The following AGTPBP1 variants were observed in gnomAD, a reference collection of about 807,000 sequenced individuals.
AGTPBP1 encodes the protein cytosolic carboxypeptidase 1.
Under a neutral mutation model 143.9 loss-of-function variants are expected in AGTPBP1, and 70 were observed. The observed-to-expected ratio is 0.49, with a 90% confidence interval of 0.40 to 0.59. AGTPBP1 has a LOEUF of 0.59. AGTPBP1 is among the 20% of genes least tolerant of loss of function. The pLI, the probability that AGTPBP1 is intolerant of heterozygous loss-of-function variation, is 0.00. For synonymous variants in AGTPBP1, 463 were observed against 500.2 expected, an observed-to-expected ratio of 0.93 and a Z score of 0.99; for missense variants, 1,229 against 1,464.5, an observed-to-expected ratio of 0.84 and a Z score of 2.62.
intron 25 of AGTPBP1, among the ~76,000 whole-genome samples, chr9:85,549,558 A>G (rs948926114): frequency 7.2e-5 from 11 of 152,228 alleles, no homozygotes; most frequent in Non-Finnish European, 1.0e-4. Flanking sequence ...CAATTTGAAC[A>G]AAAGGAAAGG....
the AGTPBP1 span, among the ~76,000 whole-genome samples, chr9:85,776,070 A>G: frequency 6.6e-6 from 1 of 152,210 alleles, no homozygotes; most frequent in African/African-American, 2.4e-5. Context: ...ATAAGGTTAT[A>G]ATTACACCTA....
intron 15 of AGTPBP1, among the ~76,000 whole-genome samples, chr9:85,619,660 A>AAAAT (rs1204405412): frequency 2.0e-5 from 3 of 152,220 alleles, no homozygotes; most frequent in African/African-American, 7.2e-5. Context: ...TTCTCTGAAG[A>AAAAT]AAATATTATT....
chr9:85,797,088 T>C, the AGTPBP1 span, among the ~76,000 whole-genome samples: 1 of 151,346 alleles, frequency 6.6e-6, no homozygotes, highest in Non-Finnish European at 1.5e-5. Flanking sequence ...CCCGGCTCTT[T>C]CTTCTTTCTT....
At chr9:85,614,649 T>C (rs954186449) in intron 17 of AGTPBP1, among the ~76,000 whole-genome samples, 1 of 152,104 alleles carries the variant, frequency 6.6e-6, no homozygotes, top group East Asian at 1.9e-4. Context: ...GAAAAGTCTG[T>C]ATATCGTATT....
the AGTPBP1 span, among the ~76,000 whole-genome samples, chr9:85,779,722 T>C: frequency 6.6e-6 from 1 of 152,120 alleles, no homozygotes; most frequent in South Asian, 2.1e-4. Context: ...AAGCCGGGCA[T>C]GGTGGCATGT....
At chr9:85,565,735 G>A (rs2132911226) in intron 25 of AGTPBP1, among the ~76,000 whole-genome samples, 1 of 152,142 alleles carries the variant, frequency 6.6e-6, no homozygotes, top group African/African-American at 2.4e-5. Flanking sequence ...ACCCTCCAAT[G>A]CTACCTAATA....
At chr9:85,604,192 G>A (rs1829850984) in intron 17 of AGTPBP1, among the ~76,000 whole-genome samples, 1 of 152,190 alleles carries the variant, frequency 6.6e-6, no homozygotes, top group South Asian at 2.1e-4. Flanking sequence ...CTTTGTGTCT[G>A]ACCCAGTATA....
chr9:85,804,749 A>G, the AGTPBP1 span, among the ~76,000 whole-genome samples: 1 of 152,228 alleles, frequency 6.6e-6, no homozygotes, highest in African/African-American at 2.4e-5. Context: ...GAACCAAGGG[A>G]GATAACGTCA....
the AGTPBP1 span, among the ~76,000 whole-genome samples, chr9:85,757,703 T>A: frequency 8.4e-3 from 1,282 of 151,948 alleles, 22 homozygotes; most frequent in African/African-American, 0.03. Flanking sequence ...TTTCCTTTTT[T>A]AAAAATAACA....
chr9:85,761,428 A>G, the AGTPBP1 span, among the ~76,000 whole-genome samples: 1 of 152,222 alleles, frequency 6.6e-6, no homozygotes, highest in Non-Finnish European at 1.5e-5. Flanking sequence ...AAACAGAGAT[A>G]TAGACCAATG....
Position 85,585,596 on chromosome 9 carries a change from T to C in AGTPBP1, c.3034-2A>G. ...ATGGCCATGATAATCACAATAAACC[T>C]TGAAAATATATATTTTAAAAATTAA... On this transcript the variant is annotated splice_acceptor_variant, in intron 22 of 25. Coordinates refer to ENST00000357081, the MANE Select transcript of AGTPBP1 (RefSeq NM_001330701.2). LOFTEE classifies it high-confidence loss of function. 6.3e-7 allele frequency: 1 copy of C among 1,582,636 alleles called. No homozygotes were observed. Among genetic ancestry groups the C allele is most frequent in the Non-Finnish European group, 8.6e-7 (1 of 1,167,972 alleles).
At chr9:85,767,840 T>C in the AGTPBP1 span, among the ~76,000 whole-genome samples, 11 of 152,064 alleles carry the variant, frequency 7.2e-5, no homozygotes, top group African/African-American at 2.7e-4. Flanking sequence ...TTGTTGTTAG[T>C]TTTTTGTTTC....
intron 17 of AGTPBP1, among the ~76,000 whole-genome samples, chr9:85,596,939 T>C (rs1205880311): frequency 6.6e-6 from 1 of 152,146 alleles, no homozygotes; most frequent in Non-Finnish European, 1.5e-5. Context: ...ATATAAAGTA[T>C]ACTTTCTTGG....
intron 13 of AGTPBP1, among the ~76,000 whole-genome samples, chr9:85,634,929 G>T (rs751778114): frequency 1.3e-5 from 2 of 151,806 alleles, no homozygotes; most frequent in Non-Finnish European, 2.9e-5. Flanking sequence ...TCTCTTCTTT[G>T]CCAACATTCG....
At chr9:85,711,161 T>G (rs987916305) in intron 2 of AGTPBP1, among the ~76,000 whole-genome samples, 4 of 152,150 alleles carry the variant, frequency 2.6e-5, no homozygotes, top group Non-Finnish European at 5.9e-5. Context: ...ATTAATACAC[T>G]GTCAATTACC....
the AGTPBP1 span, among the ~76,000 whole-genome samples, chr9:85,757,495 A>G: frequency 6.6e-6 from 1 of 152,072 alleles, no homozygotes; most frequent in African/African-American, 2.4e-5. Context: ...AAAGATTACA[A>G]AAAAAGAAAA....
chr9:85,667,208 A>C (rs1465393627), intron 8 of AGTPBP1, among the ~76,000 whole-genome samples: 1 of 152,136 alleles, frequency 6.6e-6, no homozygotes, highest in Non-Finnish European at 1.5e-5. Flanking sequence ...ATTGTGTATA[A>C]TTCTTACACA....
Position 85,677,591 on chromosome 9 carries a change from T to TAAAA in AGTPBP1, c.290-13_290-10dup. ...CACTCTTCGACCTCCACCTAAAAATTAAAAAAAAAAAAAATTTAAACAACA... is the reference window on the plus strand; with the variant it reads ...CACTCTTCGACCTCCACCTAAAAATTAAAAAAAAAAAAAAAAAATTTAAACAACA... On this transcript the variant is annotated splice_polypyrimidine_tract_variant and intron_variant, in intron 5 of 25. Transcript: ENST00000357081. The TAAAA allele has an allele frequency of 8.6e-7, 1 of 1,166,530 alleles. No individual in the cohort carries two copies. Among genetic ancestry groups the TAAAA allele is most frequent in the Non-Finnish European group, 1.1e-6 (1 of 872,328 alleles). The allele number at this position is 1,166,530 out of a possible 1,614,324, so 72.3% of individuals were successfully genotyped here. A position where few individuals can be genotyped will look rare whatever the true frequency, so the allele number is the denominator to read the frequency against.
At chr9:85,792,146 C>CT in the AGTPBP1 span, 1 of 152,072 alleles carries the variant, frequency 6.6e-6, no homozygotes, top group Admixed American at 6.6e-5. Context: ...TATAAAAAAA[C>CT]TTTAATTCAA....
Sources: allele counts gnomAD v4.1 joint callset (sites outside exome capture counted in the v4.1 genomes callset), GRCh38; gene constraint gnomAD v4.1.1; transcripts MANE v1.5; gene names NCBI Gene and HGNC (gene_info 2026-07-23, HGNC 2026-07-21).